LIPE: variants seen among roughly 807,000 people sequenced by gnomAD.
LIPE encodes lipase E, hormone sensitive type, also known as hormone-sensitive lipase.
A neutral mutation model predicts 88.5 loss-of-function variants in LIPE; 66 were observed. The observed-to-expected ratio is 0.75, with a 90% CI of 0.61 to 0.91. LIPE has a LOEUF of 0.91. Ranked by LOEUF, LIPE falls within the 40% of genes least tolerant of loss-of-function variation. The pLI, the probability that LIPE is intolerant of heterozygous loss-of-function variation, is 0.00. For synonymous variants in LIPE, 570 were observed against 617.5 expected (o/e 0.92, Z 1.14); for missense variants, 1,346 against 1,434.7 (o/e 0.94, Z 1.00).
intron 1 of LIPE, chr19:42,424,382 G>A (rs1250195913): frequency 4.4e-6 from 2 of 456,528 alleles, no homozygotes; most frequent in East Asian, 1.4e-4. Context: ...TTGCTCACAC[G>A]CACACAGCCA....
chr19:42,425,361 G>A (rs775158258), intron 1 of LIPE, among the ~76,000 whole-genome samples: 8 of 152,010 alleles, frequency 5.3e-5, no homozygotes, highest in Non-Finnish European at 1.0e-4. Flanking sequence ...TTCCCACTCT[G>A]GGATTTGATT....
At chr19:42,424,823 A>G (rs1369774168) in intron 1 of LIPE, 1 of 354,106 alleles carries the variant, frequency 2.8e-6, no homozygotes, top group African/African-American at 2.2e-5. Flanking sequence ...GAGCCTAGAG[A>G]AGGAAGATCG....
intron 1 of LIPE, among the ~76,000 whole-genome samples, chr19:42,415,127 G>T (rs1316003148): frequency 6.6e-6 from 1 of 152,150 alleles, no homozygotes; most frequent in African/African-American, 2.4e-5. Context: ...AGCTACTCGG[G>T]AGGCTGAGGC....
intron 1 of LIPE, among the ~76,000 whole-genome samples, chr19:42,416,049 G>T (rs917034466): frequency 6.6e-6 from 1 of 151,942 alleles, no homozygotes; most frequent in South Asian, 2.1e-4. Context: ...TAACATAAAA[G>T]TGCAGGGTGA....
Position 42,408,240 on chromosome 19 carries a change from G to A in LIPE, c.1502C>T (p.Thr501Ile). Residue 501 changes from threonine (T) to isoleucine (I), a missense_variant, in exon 3 of 10, where the codon ACA becomes ATA. Transcript: ENST00000244289. This position sits in a 1 kb window ranked among gnomAD's most constrained non-coding sequence, Gnocchi z 4.3. Reference sequence around the variant, plus strand: ...ACCTGGCTGGGACTCACTGAGGCCTGTCTCGTTGCGTTTGTAGTGCTCCCC... The same window carrying A: ...ACCTGGCTGGGACTCACTGAGGCCTATCTCGTTGCGTTTGTAGTGCTCCCC... ...SFGEHYKRNE[T>I]GLSVAASSLF... 1.2e-6 allele frequency: 2 copies of A among 1,614,042 alleles called. No individual in the cohort carries two copies. Among genetic ancestry groups the A allele is most frequent in the Non-Finnish European group, 1.7e-6 (2 of 1,179,960 alleles).
At position 42,410,286 on chromosome 19, in the gene LIPE, G is replaced by A; in HGVS notation, c.1419+21C>T. The A allele has an allele frequency of 6.5e-7, 1 of 1,540,238 alleles. No homozygotes were observed. ...GGTGCCTTCATTGTGGGCCCAGAGG[G>A]GCACGGGGCAGGGGGCTCACCTGGA... On this transcript the variant is annotated intron_variant, in intron 2 of 9. Coordinates refer to ENST00000244289, the MANE Select transcript of LIPE (RefSeq NM_005357.4). The surrounding 1 kb of genome is among the most constrained non-coding windows in gnomAD (Gnocchi z 6.1).
At chr19:42,424,393 A>G (rs1183107108) in intron 1 of LIPE, 3 of 456,292 alleles carry the variant, frequency 6.6e-6, no homozygotes, top group African/African-American at 4.0e-5. Flanking sequence ...CACACAGCCA[A>G]CTGCTTCTGG....
Position 42,407,945 on chromosome 19 carries a change from C to G in LIPE, c.1656+31G>C, listed in dbSNP as rs758629581. On this transcript the variant is annotated intron_variant, in intron 4 of 9. Transcript: ENST00000244289. The surrounding 1 kb of genome is among the most constrained non-coding windows in gnomAD (Gnocchi z 5.8). ...TGTGGCCTCAGATGAGTCTCTGGGC[C>G]TCAGTGTCCCCATCTGCAACAGGCC... 1 of 1,603,934 alleles carries G rather than the reference C, an allele frequency of 6.2e-7. No homozygotes were observed. The highest frequency in any genetic ancestry group is 8.5e-7 in the Non-Finnish European group (1 of 1,176,528).
intron 1 of LIPE, among the ~76,000 whole-genome samples, chr19:42,415,405 C>T (rs1210642386): frequency 2.0e-5 from 3 of 152,172 alleles, no homozygotes; most frequent in African/African-American, 2.4e-5. Context: ...AGTGCTGAAA[C>T]GGGCTAAAAA....
At chr19:42,411,667 CCT>C (rs1327728223) in intron 1 of LIPE, among the ~76,000 whole-genome samples, 1 of 152,170 alleles carries the variant, frequency 6.6e-6, no homozygotes, top group East Asian at 1.9e-4. Flanking sequence ...CAGTTCCCTC[CCT>C]GTTTCTCTGT....
Position 42,408,047 on chromosome 19 carries a change from G to A in LIPE, c.1585C>T (p.Arg529Trp), listed in dbSNP as rs776823410. The A allele has an allele frequency of 3.5e-5, 56 of 1,613,684 alleles. No individual in the cohort carries two copies. The highest frequency in any genetic ancestry group is 3.8e-5 in the Non-Finnish European group (45 of 1,179,892). Residue 529 changes from arginine to tryptophan, a missense_variant, in exon 4 of 10, where the codon CGG becomes TGG. By Grantham distance (101) the Arg-to-Trp change is moderately radical (BLOSUM62 -3). Transcript: ENST00000244289. This position sits in a 1 kb window ranked among gnomAD's most constrained non-coding sequence, Gnocchi z 4.3. ...DPELRGAEFE[R>W]ITQNLDVHFW... The stretch of plus-strand genomic sequence containing the variant: ...TGCACGTCCAGGTTCTGTGTGATCC[G>A]CTCAAACTCAGCCCCACGCAGCTCG...
Position 42,408,126 on chromosome 19 carries a change from G to A in LIPE, c.1511-5C>T. The stretch of plus-strand genomic sequence containing the variant: ...AGAGAGAGCTGGCGGCCACACCTAG[G>A]GGTCAGAAGGGGTGTCAGGGAGCCC... On this transcript the variant is annotated splice_polypyrimidine_tract_variant and splice_region_variant and intron_variant, in intron 3 of 9. Coordinates refer to ENST00000244289, the MANE Select transcript of LIPE (RefSeq NM_005357.4). This position sits in a 1 kb window ranked among gnomAD's most constrained non-coding sequence, Gnocchi z 4.3. The A allele has an allele frequency of 6.2e-7, 1 of 1,613,968 alleles. No individual in the cohort carries two copies. The highest frequency in any genetic ancestry group is 8.5e-7 in the Non-Finnish European group (1 of 1,179,950).
intron 1 of LIPE, chr19:42,423,964 CT>C: frequency 1.7e-6 from 2 of 1,168,224 alleles, no homozygotes; most frequent in Non-Finnish European, 2.1e-6. Context: ...CCCGGCCCGC[CT>C]TTTGAAGGGG....
At position 42,426,528 on chromosome 19, in the gene LIPE, T is replaced by C; in HGVS notation, c.622A>G (p.Thr208Ala). Residue 208 changes from threonine (T) to alanine (A), a missense_variant, in exon 1 of 10, where the codon ACA (threonine) becomes GCA (alanine). By Grantham distance (58) the Thr-to-Ala change is moderately conservative. Coordinates refer to ENST00000244289, the MANE Select transcript of LIPE (RefSeq NM_005357.4). ...TGTATGGATAGTTCCTGAAGTTTTG[T>C]TAGAAATCCCAGCTCTGTCAAAGAT... ...QGSLTELGFL[T>A]KLQELSIQRS... 6.2e-7 allele frequency: 1 copy of C among 1,614,210 alleles called. No individual in the cohort carries two copies. The highest frequency in any genetic ancestry group is 1.1e-5 in the South Asian group (1 of 91,082).
chr19:42,407,075 A>C lies in LIPE; in HGVS notation c.2137+99T>G. On this transcript the variant is annotated intron_variant, in intron 6 of 9. Transcript: ENST00000244289. This position sits in a 1 kb window ranked among gnomAD's most constrained non-coding sequence, Gnocchi z 5.8. ...AGCAGGAGCTGGGAGGTGTGGGGGG[A>C]GAGAAAGGTAGAGGGTGTGAGGCTG... 3.9e-6 allele frequency: 4 copies of C among 1,023,848 alleles called. No homozygotes were observed. Among genetic ancestry groups the C allele is most frequent in the Non-Finnish European group, 5.5e-6 (4 of 733,856 alleles). 63.4% of individuals were successfully genotyped at this position (1,023,848 alleles called of 1,614,324 possible). A position where few individuals can be genotyped will look rare whatever the true frequency, so the allele number is the denominator to read the frequency against.
At chr19:42,424,916 G>C (rs2040680572) in intron 1 of LIPE, 2 of 340,550 alleles carry the variant, frequency 5.9e-6, no homozygotes, top group African/African-American at 4.3e-5. Flanking sequence ...GAGTGCCTGC[G>C]GTGAGCCCAG....
chr19:42,412,566 C>G (rs35387945), intron 1 of LIPE: 15 of 986,592 alleles, frequency 1.5e-5, no homozygotes, highest in South Asian at 9.3e-5. Flanking sequence ...CTCTGCCCCC[C>G]ACCTGCTCCC....
rs2040198842 is a variant in LIPE, at chr19:42,406,789, A to G, written c.2137+385T>C. On this transcript the variant is annotated intron_variant, in intron 6 of 9. Transcript: ENST00000244289. The surrounding 1 kb of genome is among the most constrained non-coding windows in gnomAD (Gnocchi z 5.7). The stretch of plus-strand genomic sequence containing the variant: ...GGCTGCAAGCTCTGTGCCCTGGGGC[A>G]TGGCCACACTCTGCTCTGTGCCTCA... Among the ~76,000 whole-genome samples, 1 of 152,152 alleles carries G rather than the reference A, an allele frequency of 6.6e-6. No individual in the cohort carries two copies. Among genetic ancestry groups the G allele is most frequent in the South Asian group, 2.1e-4 (1 of 4,832 alleles).
rs1377001979 is a variant in LIPE at position 42,408,241 on chromosome 19, T to A, written c.1501A>T (p.Thr501Ser). The change falls in exon 3 of 10, where the codon ACA (threonine) becomes TCA (serine). Residue 501 changes from threonine (T) to serine (S), a missense_variant. Thr to Ser is a moderately conservative substitution (Grantham distance 58). Coordinates refer to ENST00000244289, the MANE Select transcript of LIPE (RefSeq NM_005357.4). This position sits in a 1 kb window ranked among gnomAD's most constrained non-coding sequence, Gnocchi z 4.3. ...CCTGGCTGGGACTCACTGAGGCCTG[T>A]CTCGTTGCGTTTGTAGTGCTCCCCG... The part of the protein sequence containing the change: ...SFGEHYKRNE[T>S]GLSVAASSLF... The A allele has an allele frequency of 2.5e-6, 4 of 1,613,974 alleles. No homozygotes were observed. Among genetic ancestry groups the A allele is most frequent in the Middle Eastern group, 1.6e-4 (1 of 6,062 alleles).
Sources: allele counts gnomAD v4.1 joint callset (sites outside exome capture counted in the v4.1 genomes callset), GRCh38; gene constraint gnomAD v4.1.1; non-coding constraint Gnocchi (gnomAD v3.1); transcripts MANE v1.5; gene names NCBI Gene and HGNC (gene_info 2026-07-23, HGNC 2026-07-21).